MRPL43: variants seen among roughly 807,000 people sequenced by gnomAD.
MRPL43 encodes the protein large ribosomal subunit protein mL43.
MRPL43 carries 9 observed loss-of-function variants against 12.7 expected under a neutral mutation model. That is an observed-to-expected ratio of 0.71 (90% CI 0.43 to 1.24). MRPL43 has a LOEUF of 1.24. Among genes scored for constraint, MRPL43 ranks in the 50% most tolerant of loss-of-function variants. The probability of loss-of-function intolerance (pLI) is 0.00; values close to 1 mark genes in which losing one functional copy is unlikely to be tolerated. For synonymous variants in MRPL43, 116 were observed against 96.4 expected (o/e 1.20, Z -1.19); for missense variants, 211 against 229.2 (o/e 0.92, Z 0.51).
At chr10:100,983,702 C>G, downstream of MRPL43, 1 of 1,613,476 alleles carries the variant, frequency 6.2e-7, no homozygotes, top group Non-Finnish European at 8.5e-7. Context: ...CCTCCCTCCT[C>G]TATGTGGCCT....
downstream of MRPL43, chr10:100,981,466 T>C (rs779552770): frequency 1.4e-5 from 22 of 1,614,216 alleles, no homozygotes; most frequent in Non-Finnish European, 1.7e-5. Context: ...CTGGAGCTTA[T>C]AGCCAAGTAG....
downstream of MRPL43, chr10:100,984,373 G>A (rs531413037): frequency 7.6e-6 from 11 of 1,447,450 alleles, no homozygotes; most frequent in Non-Finnish European, 9.9e-6. Context: ...TGCTCCCTCA[G>A]GATCAGGTGC....
downstream of MRPL43, chr10:100,978,421 G>GT: frequency 6.2e-7 from 1 of 1,606,536 alleles, no homozygotes. Context: ...CACAGACATG[G>GT]TATTTTTAGG....
At position 100,986,473 on chromosome 10, in the gene MRPL43, G is replaced by T; in HGVS notation, c.*261C>A. On this transcript the variant is annotated 3_prime_UTR_variant, in exon 3 of 3. Coordinates refer to ENST00000318364, the MANE Select transcript of MRPL43 (RefSeq NM_032112.3). ...ATCAATTTGGATTTAAAAAACAAGG[G>T]CCCTGTAAAACCCTTGAAGTCTTCC... is the stretch of plus-strand genomic sequence containing the variant. 1 of 1,536,552 alleles carries T rather than the reference G, an allele frequency of 6.5e-7. No individual in the cohort carries two copies. The highest frequency in any genetic ancestry group is 2.1e-5 in the Admixed American group (1 of 46,676).
chr10:100,978,364 C>T (rs140978394), downstream of MRPL43: 156 of 1,613,378 alleles, frequency 9.7e-5, no homozygotes, highest in Admixed American at 5.2e-4. Context: ...TGACCCAGCC[C>T]GTGGCTTCAC....
At chr10:100,981,629 G>A, downstream of MRPL43, 1 of 1,491,732 alleles carries the variant, frequency 6.7e-7, no homozygotes, top group Non-Finnish European at 9.3e-7. Flanking sequence ...ATACTTCTAT[G>A]CATGATGTCA....
At chr10:100,978,005 C>T, downstream of MRPL43, 1 of 571,088 alleles carries the variant, frequency 1.8e-6, no homozygotes, top group Non-Finnish European at 3.1e-6. Flanking sequence ...GGGCCTTGAT[C>T]CCCTGGACAG....
downstream of MRPL43, chr10:100,979,958 A>C: frequency 6.2e-7 from 1 of 1,614,046 alleles, no homozygotes; most frequent in Non-Finnish European, 8.5e-7. Flanking sequence ...TGGGGTCGCT[A>C]TGAGGGTGGG....
downstream of MRPL43, chr10:100,980,571 A>G: frequency 1.2e-6 from 2 of 1,611,246 alleles, no homozygotes; most frequent in Non-Finnish European, 1.7e-6. Context: ...TGCTCTTTCC[A>G]TACCAGCTGA....
At chr10:100,984,620 G>C (rs1369013608), downstream of MRPL43, 3 of 1,536,090 alleles carry the variant, frequency 2.0e-6, no homozygotes, top group East Asian at 2.4e-5. Flanking sequence ...ATGCACACAT[G>C]GAAGAATGTT....
downstream of MRPL43, chr10:100,985,968 T>C (rs1851437687): frequency 1.3e-5 from 2 of 152,526 alleles, no homozygotes. Context: ...AATATCAGCC[T>C]TCCTGCCCTT....
chr10:100,978,310 A>G, downstream of MRPL43: 1 of 1,613,166 alleles, frequency 6.2e-7, no homozygotes, highest in Non-Finnish European at 8.5e-7. Context: ...TGAGGCCTTC[A>G]CCTTGCCAAC....
downstream of MRPL43, chr10:100,983,323 A>C (rs552270687): frequency 1.9e-6 from 3 of 1,560,656 alleles, no homozygotes; most frequent in East Asian, 7.0e-5. Context: ...CCACCACTGA[A>C]GACCCGCTCT....
rs1229674885 is a variant in MRPL43, at chr10:100,987,389, G to A, written c.55C>T (p.Leu19=). The A allele has an allele frequency of 3.1e-6, 5 of 1,612,558 alleles. No homozygotes were observed. The highest frequency in any genetic ancestry group is 2.7e-5 in the African/African-American group (2 of 74,954). Residue 19 remains leucine, a synonymous_variant, in exon 1 of 3, where the codon CTG becomes TTG. Coordinates refer to ENST00000318364, the MANE Select transcript of MRPL43 (RefSeq NM_032112.3). The stretch of plus-strand genomic sequence containing the variant: ...TGCAGCTGCTGCACATAGCGACCCA[G>A]TCCGTTGTGGAGAACGCTGGCCAAG... ...RFLASVLHNG[L]GRYVQQLQRL... is the part of the protein sequence containing the mutation.
downstream of MRPL43, chr10:100,979,752 T>C: frequency 1.4e-6 from 2 of 1,425,716 alleles, no homozygotes; most frequent in Non-Finnish European, 1.9e-6. Context: ...ATAGCTGGGG[T>C]TGGCCAGGGT....
chr10:100,986,402 CAGA>C lies in MRPL43; in HGVS notation c.*329_*331del. On this transcript the variant is annotated 3_prime_UTR_variant, in exon 3 of 3. Coordinates refer to ENST00000318364, the MANE Select transcript of MRPL43 (RefSeq NM_032112.3). ...TTCCAATAAGACATCAGGGATTCTT[CAGA>C]AGCCAGCCTTCAGACCTCTCACTGT... The C allele has an allele frequency of 7.4e-6, 11 of 1,477,412 alleles. No individual in the cohort carries two copies. The highest frequency in any genetic ancestry group is 9.8e-6 in the Non-Finnish European group (11 of 1,117,562). The allele number at this position is 1,477,412 out of a possible 1,614,324, so 91.5% of individuals were successfully genotyped here.
downstream of MRPL43, chr10:100,983,851 C>CT: frequency 6.3e-7 from 1 of 1,587,274 alleles, no homozygotes; most frequent in Non-Finnish European, 8.6e-7. Flanking sequence ...GATGAGGGGG[C>CT]TGGGGGCCTG....
chr10:100,978,660 GGAT>G (rs1331872579), downstream of MRPL43: 2 of 1,602,126 alleles, frequency 1.2e-6, no homozygotes, highest in Non-Finnish European at 1.7e-6. Flanking sequence ...ATGAGGCACA[GGAT>G]GATGGGGGGT....
chr10:100,979,256 C>G, downstream of MRPL43: 1 of 1,614,168 alleles, frequency 6.2e-7, no homozygotes, highest in Non-Finnish European at 8.5e-7. Flanking sequence ...GCAGCCTTCA[C>G]GCTGAGCACA....
Sources: gnomAD v4.1 joint callset for allele counts on GRCh38, gnomAD v4.1.1 for gene constraint, MANE v1.5 for transcripts, NCBI Gene and HGNC (gene_info 2026-07-23, HGNC 2026-07-21) for gene names.